TBXAS1: variants seen among roughly 807,000 people sequenced by gnomAD.
TBXAS1 encodes thromboxane-A synthase.
A neutral mutation model predicts 60.7 loss-of-function variants in TBXAS1; 48 were observed. The ratio of observed to expected loss-of-function variants is 0.79; its 90% CI spans 0.63 to 1.01. TBXAS1 has a LOEUF of 1.01. TBXAS1 is among the 50% of genes least tolerant of loss of function. The pLI is 0.00. For missense variants in TBXAS1, 685 were observed against 686.3 expected (o/e 1.00, Z 0.02); for synonymous variants, 287 against 269.7 (o/e 1.06, Z -0.63).
intron 9 of TBXAS1, among the ~76,000 whole-genome samples, chr7:139,972,322 C>T (rs1811264454): frequency 6.6e-6 from 1 of 152,118 alleles, no homozygotes; most frequent in Admixed American, 6.5e-5. Context: ...AGCAAATAAG[C>T]TTGTGGGGTT....
chr7:139,962,478 A>C, intron 9 of TBXAS1: 1 of 455,542 alleles, frequency 2.2e-6, no homozygotes, highest in Non-Finnish European at 4.0e-6. Flanking sequence ...GTAGTCCATG[A>C]AGCCAGGCCT....
At chr7:139,866,432 G>A (rs1801422458) in intron 1 of TBXAS1, among the ~76,000 whole-genome samples, 1 of 151,888 alleles carries the variant, frequency 6.6e-6, no homozygotes, top group Non-Finnish European at 1.5e-5. Flanking sequence ...TATGTTAAAT[G>A]AAAAAAGTAG....
At chr7:139,802,825 A>G (rs1797756101) in intron 4 of TBXAS1, among the ~76,000 whole-genome samples, 1 of 152,114 alleles carries the variant, frequency 6.6e-6, no homozygotes, top group African/African-American at 2.4e-5. Context: ...AAGAAGAAAG[A>G]AGAAAGAAGA....
chr7:140,006,484 A>T (rs929920556), intron 9 of TBXAS1, among the ~76,000 whole-genome samples: 1 of 152,174 alleles, frequency 6.6e-6, no homozygotes, highest in African/African-American at 2.4e-5. Context: ...TGCATTTTTC[A>T]TTATAGTAAC....
intron 1 of TBXAS1, among the ~76,000 whole-genome samples, chr7:139,838,217 C>T (rs972252036): frequency 1.3e-5 from 2 of 152,212 alleles, no homozygotes; most frequent in South Asian, 4.1e-4. Context: ...ATGAGGCCTC[C>T]TCTTTCCTTC....
chr7:139,899,513 G>T (rs1279876316), intron 3 of TBXAS1, among the ~76,000 whole-genome samples: 1 of 152,178 alleles, frequency 6.6e-6, no homozygotes, highest in East Asian at 1.9e-4. Flanking sequence ...CAAACAAGTG[G>T]TTATTTTTGT....
intron 10 of TBXAS1, among the ~76,000 whole-genome samples, chr7:140,012,028 T>C (rs1325117502): frequency 6.6e-6 from 1 of 152,192 alleles, no homozygotes. Context: ...TCAGAAGATT[T>C]TTCATGGATT....
intron 9 of TBXAS1, among the ~76,000 whole-genome samples, chr7:139,994,230 A>G (rs1813136941): frequency 6.6e-6 from 1 of 152,072 alleles, no homozygotes. Flanking sequence ...TTTAGTAGAG[A>G]TGGGGTTTCG....
chr7:139,823,179 C>T (rs1376443220), intron 4 of TBXAS1, among the ~76,000 whole-genome samples: 1 of 151,886 alleles, frequency 6.6e-6, no homozygotes, highest in Non-Finnish European at 1.5e-5. Context: ...CTCCTGTCCT[C>T]CTGTTTGTGT....
chr7:139,981,409 C>T (rs755533363), intron 9 of TBXAS1, among the ~76,000 whole-genome samples: 165 of 152,344 alleles, frequency 1.1e-3, no homozygotes, highest in Admixed American at 4.6e-3. Context: ...AGCCACCATG[C>T]CCGGCCAGGA....
rs770366625 is a variant in TBXAS1, at chr7:139,944,200, C to CT, written c.450+7893_450+7894insT. Among the ~76,000 whole-genome samples the CT allele has an allele frequency of 5.1e-4, 77 of 152,180 alleles. 1 individual carries two copies. The highest frequency in any genetic ancestry group is 1.0e-3 in the Admixed American group (16 of 15,274). ...GGCAGGGAGGAAGCAGTGAGTAGCA[C>CT]CGGAATTGAGCTCTGAAGATTTTGC... On this transcript the variant is annotated intron_variant, in intron 5 of 12. Transcript: ENST00000448866.
chr7:139,966,894 C>T (rs1234072896), intron 9 of TBXAS1, among the ~76,000 whole-genome samples: 3 of 152,192 alleles, frequency 2.0e-5, no homozygotes, highest in Non-Finnish European at 4.4e-5. Flanking sequence ...TGCTGGGCCC[C>T]TTTCTCCTCC....
intron 9 of TBXAS1, among the ~76,000 whole-genome samples, chr7:139,994,470 A>G (rs1464850019): frequency 1.3e-5 from 2 of 152,144 alleles, no homozygotes; most frequent in Non-Finnish European, 2.9e-5. Context: ...AAAATCTGGT[A>G]CCAGTCACCA....
intron 5 of TBXAS1, among the ~76,000 whole-genome samples, chr7:139,940,040 G>A (rs746258772): frequency 1.6e-4 from 24 of 152,356 alleles, no homozygotes; most frequent in Non-Finnish European, 2.6e-4. Flanking sequence ...GTGCCTCTGA[G>A]GAAGACAGTA....
In TBXAS1 at chr7:139,948,980, C is replaced by T. The variant is rs144154420; in HGVS notation, c.451-4388C>T. On this transcript the variant is annotated intron_variant, in intron 5 of 12. Transcript: ENST00000448866. Reference sequence around the variant, plus strand: ...TTTAAAACATTTTTCATATTACATGCCCCATCTCATATCACATTAACCCAA... The same window carrying T: ...TTTAAAACATTTTTCATATTACATGTCCCATCTCATATCACATTAACCCAA... Among the ~76,000 whole-genome samples, 214 of 152,266 alleles carry T rather than the reference C, an allele frequency of 1.4e-3. 1 individual carries two copies. Among genetic ancestry groups the T allele is most frequent in the Admixed American group, 2.8e-3 (43 of 15,280 alleles).
chr7:139,894,677 T>TC, intron 3 of TBXAS1, among the ~76,000 whole-genome samples: 1 of 152,252 alleles, frequency 6.6e-6, no homozygotes, highest in Non-Finnish European at 1.5e-5. Context: ...GGAAGGTGTG[T>TC]CCCCCTTCTT....
chr7:139,985,257 T>C (rs1812359471), intron 9 of TBXAS1, among the ~76,000 whole-genome samples: 1 of 152,240 alleles, frequency 6.6e-6, no homozygotes, highest in Non-Finnish European at 1.5e-5. Context: ...CTCTGGCTTC[T>C]GCAGCTTTTC....
chr7:139,779,690 A>G (rs1030005244), intron 1 of TBXAS1, among the ~76,000 whole-genome samples: 17 of 152,218 alleles, frequency 1.1e-4, no homozygotes, highest in African/African-American at 4.1e-4. Context: ...TCTTCATAAT[A>G]CGTGGTTCTG....
upstream of TBXAS1, among the ~76,000 whole-genome samples, chr7:139,826,254 A>G (rs1344743471): frequency 6.6e-6 from 1 of 152,168 alleles, no homozygotes; most frequent in Non-Finnish European, 1.5e-5. Flanking sequence ...CTCTCAGTAC[A>G]GATCCCGATG....
Sources: gnomAD v4.1 joint callset for allele counts (sites outside exome capture counted in the v4.1 genomes callset) on GRCh38, gnomAD v4.1.1 for gene constraint, MANE v1.5 for transcripts, NCBI Gene and HGNC (gene_info 2026-07-23, HGNC 2026-07-21) for gene names.